The following OR3A2 variants were observed in gnomAD, a reference collection of about 807,000 sequenced individuals.
The protein encoded by OR3A2 is olfactory receptor family 3 subfamily A member 2.
For missense variants in OR3A2, 318 were observed against 392.8 expected (o/e 0.81, Z 1.61); for synonymous variants, 126 against 159.3 (o/e 0.79, Z 1.57).
chr17:3,328,609 T>A (rs1402384427), intron 3 of OR3A2, among the ~76,000 whole-genome samples: 1 of 148,302 alleles, frequency 6.7e-6, no homozygotes, highest in Non-Finnish European at 1.5e-5. Flanking sequence ...ATAGGAGTGG[T>A]GAGAGAGGGC....
chr17:3,382,774 G>A (rs1285744076), intron 2 of OR3A2, among the ~76,000 whole-genome samples: 1 of 152,154 alleles, frequency 6.6e-6, no homozygotes, highest in Non-Finnish European at 1.5e-5. Context: ...TCCAAAATCA[G>A]CTCGAATTCC....
intron 2 of OR3A2, among the ~76,000 whole-genome samples, chr17:3,350,465 C>A (rs2049410875): frequency 6.6e-6 from 1 of 151,862 alleles, no homozygotes; most frequent in Non-Finnish European, 1.5e-5. Context: ...CACATACACT[C>A]TCCCAAGACT....
intron 3 of OR3A2, among the ~76,000 whole-genome samples, chr17:3,301,446 T>G (rs913923629): frequency 6.6e-6 from 1 of 152,196 alleles, no homozygotes; most frequent in African/African-American, 2.4e-5. Context: ...TGGCCAGTGA[T>G]GATGAGCATT....
At chr17:3,305,694 C>T (rs1382181956) in intron 3 of OR3A2, among the ~76,000 whole-genome samples, 3 of 152,124 alleles carry the variant, frequency 2.0e-5, no homozygotes, top group Non-Finnish European at 4.4e-5. Context: ...ATATATTACA[C>T]GAAGCTCAAA....
intron 2 of OR3A2, among the ~76,000 whole-genome samples, chr17:3,341,905 C>T (rs1368575318): frequency 1.3e-5 from 2 of 152,196 alleles, no homozygotes; most frequent in African/African-American, 4.8e-5. Flanking sequence ...GTACACCAAT[C>T]AAATGTAGAT....
chr17:3,294,342 A>G (rs1289984126), intron 3 of OR3A2, among the ~76,000 whole-genome samples: 12 of 152,024 alleles, frequency 7.9e-5, no homozygotes, highest in African/African-American at 2.9e-4. Flanking sequence ...AAAAACCAAT[A>G]TTAGAAACAA....
chr17:3,363,955 CA>C (rs1374187409), intron 2 of OR3A2, among the ~76,000 whole-genome samples: 5 of 152,152 alleles, frequency 3.3e-5, no homozygotes, highest in Admixed American at 1.3e-4. Flanking sequence ...ATGAGAACAG[CA>C]AGGGGAAAAT....
rs1216991408 is a variant in OR3A2 at position 3,329,418 on chromosome 17, C to T, written c.-85+6615G>A. Among the ~76,000 whole-genome samples the T allele has an allele frequency of 2.0e-5, 3 of 149,940 alleles. No homozygotes were observed. The Admixed American group carries it at 2.0e-4, about 10-fold the overall frequency. ...GTTATTGGTCTATTCAGAGATTCAA[C>T]TTCTTCCTGGTTTAGTCTTGGGAGA... On this transcript the variant is annotated intron_variant, in intron 3 of 4. Coordinates refer to the OR3A2 transcript ENST00000573491.
intron 3 of OR3A2, among the ~76,000 whole-genome samples, chr17:3,330,533 C>G (rs1360345862): frequency 6.6e-6 from 1 of 152,030 alleles, no homozygotes; most frequent in South Asian, 2.1e-4. Context: ...AGGATTGCAA[C>G]CCCTGCCTTT....
At chr17:3,310,746 G>T in intron 3 of OR3A2, 1 of 553,882 alleles carries the variant, frequency 1.8e-6, no homozygotes, top group South Asian at 1.4e-5. Flanking sequence ...AATCCAGCAA[G>T]CCCTGGTGGG....
intron 3 of OR3A2, among the ~76,000 whole-genome samples, chr17:3,325,102 A>T (rs2049159900): frequency 6.7e-6 from 1 of 148,174 alleles, no homozygotes; most frequent in South Asian, 2.1e-4. Context: ...TTTATATCTT[A>T]TGTTTTATAC....
intron 2 of OR3A2, among the ~76,000 whole-genome samples, chr17:3,359,444 A>C (rs564376107): frequency 6.6e-6 from 1 of 151,702 alleles, no homozygotes; most frequent in African/African-American, 2.4e-5. Context: ...TGCTCATTTC[A>C]AGATCTCTTG....
chr17:3,382,373 C>G (rs1457072255), intron 2 of OR3A2, among the ~76,000 whole-genome samples: 1 of 152,172 alleles, frequency 6.6e-6, no homozygotes, highest in African/African-American at 2.4e-5. Context: ...GTGGCGTTCT[C>G]TCTATATACA....
At chr17:3,315,432 T>C (rs920159700) in intron 3 of OR3A2, among the ~76,000 whole-genome samples, 3 of 152,182 alleles carry the variant, frequency 2.0e-5, no homozygotes, top group African/African-American at 7.2e-5. Flanking sequence ...ATTCCTCTGA[T>C]GATTAGTGAT....
intron 3 of OR3A2, chr17:3,291,894 C>T (rs774088196): frequency 2.2e-5 from 35 of 1,614,206 alleles, no homozygotes; most frequent in South Asian, 4.4e-5. Context: ...AGAGCGAATT[C>T]GCAGGACTGC....
chr17:3,375,923 T>C (rs1597364997), intron 2 of OR3A2, among the ~76,000 whole-genome samples: 1 of 152,316 alleles, frequency 6.6e-6, no homozygotes, highest in Non-Finnish European at 1.5e-5. Context: ...TGCTGGGGAA[T>C]GTCTGCAAAG....
At chr17:3,321,181 G>T (rs1202323779) in intron 3 of OR3A2, among the ~76,000 whole-genome samples, 1 of 151,284 alleles carries the variant, frequency 6.6e-6, no homozygotes, top group Non-Finnish European at 1.5e-5. Flanking sequence ...CTCTCTGTTT[G>T]TCTGTTGTTG....
At chr17:3,279,677 A>C (rs2048765470) in intron 1 of OR3A2, among the ~76,000 whole-genome samples, 1 of 152,118 alleles carries the variant, frequency 6.6e-6, no homozygotes, top group Non-Finnish European at 1.5e-5. Context: ...AATCCTAGCT[A>C]CTCAGTAGGC....
chr17:3,319,513 C>T (rs1310060497), intron 3 of OR3A2, among the ~76,000 whole-genome samples: 1 of 152,040 alleles, frequency 6.6e-6, no homozygotes, highest in African/African-American at 2.4e-5. Flanking sequence ...TCTCCTAATG[C>T]TATCCTTCCC....
Sources: allele counts gnomAD v4.1 joint callset (sites outside exome capture counted in the v4.1 genomes callset), GRCh38; gene constraint gnomAD v4.1.1; transcripts MANE v1.5; gene names NCBI Gene and HGNC (gene_info 2026-07-23, HGNC 2026-07-21).